Variants in DNM3 observed in about 807,000 individuals in gnomAD.
DNM3 encodes dynamin-3.
A neutral mutation model predicts 101.6 loss-of-function variants in DNM3; 47 were observed. That is an observed-to-expected ratio of 0.46 (90% CI 0.37 to 0.59). DNM3 has a LOEUF of 0.59. Among genes scored for constraint, DNM3 ranks in the 20% least tolerant of loss-of-function variants. The pLI is 0.00. For synonymous variants in DNM3, 385 were observed against 387.9 expected, an observed-to-expected ratio of 0.99 and a Z score of 0.09; for missense variants, 849 against 1,085.7, an observed-to-expected ratio of 0.78 and a Z score of 3.06.
At chr1:172,048,859 G>A (rs2050003116) in intron 10 of DNM3, 109 bp downstream of exon 10, 3 of 1,350,184 alleles carry the variant, frequency 2.2e-6, no homozygotes, top group Non-Finnish European at 3.1e-6. Context: ...TAGATGTTGT[G>A]TGTTTGCCTA....
intron 14 of DNM3, among the ~76,000 whole-genome samples, chr1:172,147,833 C>A (rs1291741081): frequency 6.6e-6 from 1 of 152,110 alleles, no homozygotes; most frequent in Non-Finnish European, 1.5e-5. Flanking sequence ...AACTTCTTAA[C>A]CCTTTCTGTC....
intron 17 of DNM3, among the ~76,000 whole-genome samples, chr1:172,332,744 G>T (rs1573502442): frequency 6.6e-6 from 1 of 152,192 alleles, no homozygotes; most frequent in East Asian, 1.9e-4. Flanking sequence ...AAAGTAACAT[G>T]TTATTTCCAC....
chr1:172,301,867 A>C (rs1479766613), intron 15 of DNM3, among the ~76,000 whole-genome samples: 1 of 152,118 alleles, frequency 6.6e-6, no homozygotes. Context: ...CTATCTGAAA[A>C]ATAGGTACAA....
intron 4 of DNM3, among the ~76,000 whole-genome samples, chr1:172,009,335 T>A (rs1231092469): frequency 6.6e-6 from 1 of 150,686 alleles, no homozygotes; most frequent in East Asian, 1.9e-4. Context: ...CATTGTTTTT[T>A]AAAATAATAG....
chr1:172,322,432 GC>G (rs1265962636), intron 16 of DNM3, among the ~76,000 whole-genome samples: 5 of 152,194 alleles, frequency 3.3e-5, no homozygotes, highest in Admixed American at 6.5e-5. Context: ...GACTTGGGCT[GC>G]CCCGGGAGTA....
chr1:172,080,316 C>A (rs12029864), intron 11 of DNM3, among the ~76,000 whole-genome samples: 48,241 of 152,012 alleles, frequency 0.32, 8,817 homozygotes, highest in Non-Finnish European at 0.4. Flanking sequence ...TCAGAGATGC[C>A]CTGCCCAGAG....
chr1:172,142,284 A>C (rs2057624706), intron 14 of DNM3: 1 of 152,070 alleles, frequency 6.6e-6, no homozygotes, highest in African/African-American at 2.4e-5. Context: ...ATTTACCTGG[A>C]TATAGATATG....
intron 1 of DNM3, among the ~76,000 whole-genome samples, chr1:171,845,873 G>A (rs1158905068): frequency 1.3e-5 from 2 of 152,162 alleles, no homozygotes; most frequent in African/African-American, 4.8e-5. Context: ...GTTTTTCAAT[G>A]CTAATTATAT....
At chr1:172,192,987 C>A (rs1412152448) in intron 14 of DNM3, among the ~76,000 whole-genome samples, 1 of 151,216 alleles carries the variant, frequency 6.6e-6, no homozygotes, top group Non-Finnish European at 1.5e-5. Context: ...GTTTACAGTC[C>A]CACCAACAGT....
intron 14 of DNM3, among the ~76,000 whole-genome samples, chr1:172,222,981 G>A (rs1382818289): frequency 6.6e-6 from 1 of 151,978 alleles, no homozygotes. Context: ...ATACTATGGG[G>A]TGTAATGTGA....
intron 17 of DNM3, among the ~76,000 whole-genome samples, chr1:172,366,330 C>T (rs1394173283): frequency 2.6e-4 from 40 of 151,876 alleles, no homozygotes; most frequent in Admixed American, 2.6e-3. Context: ...AGGCTTTCCC[C>T]AATATCAATT....
At chr1:172,049,639 G>C (rs1054063975) in intron 10 of DNM3, among the ~76,000 whole-genome samples, 1 of 152,054 alleles carries the variant, frequency 6.6e-6, no homozygotes, top group Non-Finnish European at 1.5e-5. Context: ...TTTACAGTAG[G>C]GTAGGTCTAG....
intron 13 of DNM3, among the ~76,000 whole-genome samples, chr1:172,127,058 G>A (rs1558611431): frequency 6.6e-6 from 1 of 152,024 alleles, no homozygotes; most frequent in Non-Finnish European, 1.5e-5. Flanking sequence ...ATGAATTCTA[G>A]TTGTACCCAC....
At chr1:172,349,825 C>T (rs1350144876) in intron 17 of DNM3, among the ~76,000 whole-genome samples, 1 of 151,968 alleles carries the variant, frequency 6.6e-6, no homozygotes, top group Non-Finnish European at 1.5e-5. Flanking sequence ...TGAATTAAGT[C>T]ATTATATGGT....
intron 1 of DNM3, among the ~76,000 whole-genome samples, chr1:171,847,204 T>C (rs1326254435): frequency 6.6e-6 from 1 of 152,192 alleles, no homozygotes; most frequent in Non-Finnish European, 1.5e-5. Context: ...CAAATGCACA[T>C]GTAAAATGAA....
chr1:172,141,432 A>C (rs527419973), intron 14 of DNM3, among the ~76,000 whole-genome samples: 11 of 151,972 alleles, frequency 7.2e-5, no homozygotes, highest in Non-Finnish European at 1.2e-4. Flanking sequence ...TGGGTGGGCT[A>C]TTCTCCTTAG....
chr1:172,207,330 G>T (rs938199355), intron 14 of DNM3, among the ~76,000 whole-genome samples: 1 of 152,058 alleles, frequency 6.6e-6, no homozygotes, highest in Non-Finnish European at 1.5e-5. Flanking sequence ...GTATTCTTTA[G>T]TCCAAACCTT....
chr1:172,351,936 A>G (rs1048065189), intron 17 of DNM3, among the ~76,000 whole-genome samples: 2 of 152,198 alleles, frequency 1.3e-5, no homozygotes, highest in African/African-American at 4.8e-5. Context: ...CCGATCCGTC[A>G]GCTTCCCAGA....
At position 172,311,886 on chromosome 1, in the gene DNM3, G is replaced by A. The variant is rs566395962; in HGVS notation, c.1881+3047G>A. Among the ~76,000 whole-genome samples, 9 of 152,274 alleles carry A rather than the reference G, an allele frequency of 5.9e-5. No homozygotes were observed. In the South Asian group the frequency reaches 1.7e-3, roughly 28 times the overall value. Reference sequence around the variant, plus strand: ...AACGAATTTTTAGTACATACCGAAGGCAACACAGGAAATTAAATTTAGCAG... The same window carrying A: ...AACGAATTTTTAGTACATACCGAAGACAACACAGGAAATTAAATTTAGCAG... On this transcript the variant is annotated intron_variant, in intron 16 of 20. Transcript: ENST00000627582.
Sources: gnomAD v4.1 joint callset for allele counts (sites outside exome capture counted in the v4.1 genomes callset) on GRCh38, gnomAD v4.1.1 for gene constraint, MANE v1.5 for transcripts, NCBI Gene and HGNC (gene_info 2026-07-23, HGNC 2026-07-21) for gene names.